ZCCHC7: variants seen among roughly 807,000 people sequenced by gnomAD.
The protein encoded by ZCCHC7 is zinc finger CCHC-type containing 7.
Under a neutral mutation model 52.0 loss-of-function variants are expected in ZCCHC7, and 35 were observed. That is an observed-to-expected ratio of 0.67 (90% confidence interval 0.51 to 0.89). The LOEUF is 0.89. Ranked by LOEUF, ZCCHC7 falls within the 40% of genes least tolerant of loss-of-function variation. The pLI is 0.00. For synonymous variants in ZCCHC7, 217 were observed against 221.5 expected (o/e 0.98, Z 0.18); for missense variants, 574 against 649.1 (o/e 0.88, Z 1.26).
At chr9:37,294,797 T>C (rs778652198) in intron 2 of ZCCHC7, among the ~76,000 whole-genome samples, 1 of 152,174 alleles carries the variant, frequency 6.6e-6, no homozygotes, top group African/African-American at 2.4e-5. Context: ...AAAATAGATA[T>C]GGTCTCAGTC....
intron 5 of ZCCHC7, among the ~76,000 whole-genome samples, chr9:37,319,751 G>T (rs546066611): frequency 6.6e-6 from 1 of 152,190 alleles, no homozygotes; most frequent in East Asian, 1.9e-4. Flanking sequence ...TATTCTTTCA[G>T]ATGTTTCTAC....
intron 2 of ZCCHC7, among the ~76,000 whole-genome samples, chr9:37,180,955 A>C (rs887730084): frequency 2.6e-5 from 4 of 152,182 alleles, no homozygotes; most frequent in African/African-American, 9.7e-5. Context: ...TTTCCAATAC[A>C]TCAGGTTATT....
At chr9:37,327,186 G>A (rs966165993) in intron 5 of ZCCHC7, 3 of 151,942 alleles carry the variant, frequency 2.0e-5, no homozygotes, top group South Asian at 2.1e-4. Flanking sequence ...CAAGATTATC[G>A]ACGTTTTGGG....
chr9:37,331,610 A>C (rs939529218), intron 6 of ZCCHC7, among the ~76,000 whole-genome samples: 2 of 151,678 alleles, frequency 1.3e-5, no homozygotes, highest in African/African-American at 4.8e-5. Context: ...TGAGATTGTG[A>C]TGTAAGATAG....
At chr9:37,251,276 A>G (rs563818240) in intron 2 of ZCCHC7, among the ~76,000 whole-genome samples, 28 of 152,272 alleles carry the variant, frequency 1.8e-4, no homozygotes, top group African/African-American at 6.5e-4. Flanking sequence ...CAAGTAGAAA[A>G]CAAATATCTG....
chr9:37,325,127 C>G (rs1830190558), intron 5 of ZCCHC7, among the ~76,000 whole-genome samples: 1 of 152,150 alleles, frequency 6.6e-6, no homozygotes, highest in African/African-American at 2.4e-5. Flanking sequence ...AATAATAACA[C>G]TGATTTATGT....
chr9:37,179,249 G>T (rs936983445), intron 2 of ZCCHC7, among the ~76,000 whole-genome samples: 2 of 151,928 alleles, frequency 1.3e-5, no homozygotes, highest in Admixed American at 6.6e-5. Flanking sequence ...AAATATGATC[G>T]ATTTATAAGT....
intron 2 of ZCCHC7, among the ~76,000 whole-genome samples, chr9:37,241,941 T>G (rs1825890943): frequency 6.6e-6 from 1 of 151,784 alleles, no homozygotes; most frequent in African/African-American, 2.4e-5. Flanking sequence ...AATATATAAT[T>G]CCAGTTCTTC....
rs113825539 is a variant in ZCCHC7 at position 37,134,106 on chromosome 9, A to C, written c.610+7164A>C. ...TTCCCGGTAATTCTTTCATCATCACATACCCAGCTAGTGTTCAGATTTCCT... is the reference window on the plus strand; with the variant it reads ...TTCCCGGTAATTCTTTCATCATCACCTACCCAGCTAGTGTTCAGATTTCCT... On this transcript the variant is annotated intron_variant, in intron 2 of 8. Transcript: ENST00000336755. Among the ~76,000 whole-genome samples, 9 of 152,308 alleles carry C rather than the reference A, an allele frequency of 5.9e-5. 1 individual carries two copies. Among genetic ancestry groups the C allele is most frequent in the African/African-American group, 1.9e-4 (8 of 41,564 alleles).
chr9:37,300,388 C>A (rs940602305), intron 2 of ZCCHC7, among the ~76,000 whole-genome samples: 10 of 152,106 alleles, frequency 6.6e-5, no homozygotes, highest in African/African-American at 2.4e-4. Flanking sequence ...ATACATGGAT[C>A]CTTTGAATGA....
At chr9:37,197,094 A>G (rs1190455039) in intron 2 of ZCCHC7, among the ~76,000 whole-genome samples, 2 of 152,198 alleles carry the variant, frequency 1.3e-5, no homozygotes, top group Non-Finnish European at 2.9e-5. Flanking sequence ...ACTATGTTTT[A>G]TTTTTATAAG....
At chr9:37,177,067 T>C (rs555158347) in intron 2 of ZCCHC7, among the ~76,000 whole-genome samples, 56 of 152,208 alleles carry the variant, frequency 3.7e-4, no homozygotes, top group Non-Finnish European at 7.2e-4. Context: ...CTAGGCCGGG[T>C]GTGGTGGCTT....
intron 2 of ZCCHC7, among the ~76,000 whole-genome samples, chr9:37,237,230 T>C (rs1825693042): frequency 6.6e-6 from 1 of 152,232 alleles, no homozygotes; most frequent in Admixed American, 6.5e-5. Flanking sequence ...ATGCCTTGAG[T>C]GAACATATTC....
chr9:37,176,682 T>A (rs1350851654), intron 2 of ZCCHC7, among the ~76,000 whole-genome samples: 1 of 152,180 alleles, frequency 6.6e-6, no homozygotes, highest in African/African-American at 2.4e-5. Context: ...GTAATGCTTC[T>A]AAATGTCAGT....
chr9:37,319,568 C>T (rs192146239), intron 5 of ZCCHC7, among the ~76,000 whole-genome samples: 1 of 152,244 alleles, frequency 6.6e-6, no homozygotes, highest in East Asian at 1.9e-4. Flanking sequence ...GTTGGGACGA[C>T]AGGCACGTGG....
chr9:37,237,028 C>T (rs897255168), intron 2 of ZCCHC7, among the ~76,000 whole-genome samples: 7 of 152,176 alleles, frequency 4.6e-5, no homozygotes, highest in Admixed American at 1.3e-4. Flanking sequence ...GTTCCTTCTA[C>T]GCTAGCTTGT....
At chr9:37,205,479 A>G (rs1316226581) in intron 2 of ZCCHC7, 1 of 152,672 alleles carries the variant, frequency 6.5e-6, no homozygotes, top group Non-Finnish European at 1.5e-5. Flanking sequence ...TAGATGTGTC[A>G]TGGTTTATGT....
chr9:37,329,331 G>T (rs1382065148), intron 6 of ZCCHC7, among the ~76,000 whole-genome samples: 1 of 151,464 alleles, frequency 6.6e-6, no homozygotes, highest in Non-Finnish European at 1.5e-5. Flanking sequence ...ATATTTGAAG[G>T]TTTGCTTAAT....
intron 2 of ZCCHC7, among the ~76,000 whole-genome samples, chr9:37,193,212 T>C (rs1823107517): frequency 6.6e-6 from 1 of 152,174 alleles, no homozygotes. Flanking sequence ...ATTGCTGAAA[T>C]TTAAAAAAAA....
Sources: allele counts gnomAD v4.1 joint callset (sites outside exome capture counted in the v4.1 genomes callset), GRCh38; gene constraint gnomAD v4.1.1; transcripts MANE v1.5; gene names NCBI Gene and HGNC (gene_info 2026-07-23, HGNC 2026-07-21).